IGBP1C: variants seen among roughly 807,000 people sequenced by gnomAD.
The protein encoded by IGBP1C is immunoglobulin-binding protein 1 family member C.
the IGBP1C span, chr17:58,660,763 A>G: frequency 5.1e-6 from 4 of 781,092 alleles, no homozygotes; most frequent in Non-Finnish European, 9.6e-6. Context: ...GTAACACTCC[A>G]TGTTTCTGAT....
chr17:58,686,994 C>T, the IGBP1C span, among the ~76,000 whole-genome samples: 1 of 150,518 alleles, frequency 6.6e-6, no homozygotes, highest in Admixed American at 6.7e-5. Flanking sequence ...CTGCCTCAGT[C>T]TCCCGAGTAG....
chr17:58,689,271 G>C, the IGBP1C span, among the ~76,000 whole-genome samples: 2 of 151,154 alleles, frequency 1.3e-5, no homozygotes, highest in African/African-American at 2.4e-5. Context: ...TTCCAGGCTA[G>C]AGTGCAGTGG....
the IGBP1C span, among the ~76,000 whole-genome samples, chr17:58,676,774 C>T: frequency 1.3e-5 from 2 of 151,924 alleles, no homozygotes; most frequent in African/African-American, 4.8e-5. Flanking sequence ...TCACTTGAGG[C>T]CAAGAGTTCG....
chr17:58,660,870 G>A, the IGBP1C span: 1 of 797,514 alleles, frequency 1.3e-6, no homozygotes, highest in Non-Finnish European at 2.3e-6. Flanking sequence ...AGAATGAAGG[G>A]TTTCATTGGA....
chr17:58,668,176 T>C, the IGBP1C span, among the ~76,000 whole-genome samples: 1 of 152,206 alleles, frequency 6.6e-6, no homozygotes, highest in Non-Finnish European at 1.5e-5. Context: ...TGTTTCCTCT[T>C]GGTAATTTTC....
At chr17:58,679,594 A>T in the IGBP1C span, 1 of 152,272 alleles carries the variant, frequency 6.6e-6, no homozygotes, top group Admixed American at 6.6e-5. Flanking sequence ...ATTTGTAGAA[A>T]ACCACAGGGG....
At chr17:58,688,506 C>T in the IGBP1C span, among the ~76,000 whole-genome samples, 6 of 152,106 alleles carry the variant, frequency 3.9e-5, no homozygotes, top group Non-Finnish European at 5.9e-5. Context: ...ACTGAATATG[C>T]GCATTAGAAT....
At chr17:58,685,761 G>A in the IGBP1C span, among the ~76,000 whole-genome samples, 1 of 151,740 alleles carries the variant, frequency 6.6e-6, no homozygotes, top group African/African-American at 2.4e-5. Flanking sequence ...GGAGGCTGAG[G>A]TGGGTGGATC....
the IGBP1C span, among the ~76,000 whole-genome samples, chr17:58,691,666 C>CAG: frequency 1.9e-5 from 2 of 107,104 alleles, no homozygotes; most frequent in Non-Finnish European, 3.7e-5. Context: ...GACTCTGTCT[C>CAG]AAAAAAAAAA....
chr17:58,662,119 G>A, the IGBP1C span, among the ~76,000 whole-genome samples: 1 of 151,628 alleles, frequency 6.6e-6, no homozygotes, highest in Non-Finnish European at 1.5e-5. Context: ...GGGATTACAG[G>A]CGTGAGCCAC....
chr17:58,668,754 AG>A, the IGBP1C span, among the ~76,000 whole-genome samples: 1 of 152,324 alleles, frequency 6.6e-6, no homozygotes, highest in East Asian at 1.9e-4. Context: ...TGGATCACCC[AG>A]AAAGCATGTG....
the IGBP1C span, chr17:58,661,755 G>T: frequency 1.8e-6 from 1 of 557,328 alleles, no homozygotes; most frequent in Non-Finnish European, 3.2e-6. Flanking sequence ...GAAGGCAACG[G>T]AGTCGGTTGT....
At chr17:58,673,024 G>A in the IGBP1C span, among the ~76,000 whole-genome samples, 1 of 151,730 alleles carries the variant, frequency 6.6e-6, no homozygotes, top group African/African-American at 2.4e-5. Context: ...GAGCCACCAC[G>A]CTCAGCCGGC....
At chr17:58,686,505 G>A in the IGBP1C span, among the ~76,000 whole-genome samples, 1 of 152,276 alleles carries the variant, frequency 6.6e-6, no homozygotes, top group East Asian at 1.9e-4. Context: ...GGACGGCAGA[G>A]GGTCAGGGCT....
At chr17:58,673,007 C>T in the IGBP1C span, among the ~76,000 whole-genome samples, 1 of 151,798 alleles carries the variant, frequency 6.6e-6, no homozygotes, top group Non-Finnish European at 1.5e-5. Context: ...GCTGGGATTA[C>T]AGGCATGAGC....
chr17:58,672,172 A>G, the IGBP1C span, among the ~76,000 whole-genome samples: 1 of 152,094 alleles, frequency 6.6e-6, no homozygotes, highest in East Asian at 1.9e-4. Flanking sequence ...GTGGCTGCTG[A>G]TCTAACAGGA....
At chr17:58,662,419 A>T in the IGBP1C span, among the ~76,000 whole-genome samples, 338 of 73,398 alleles carry the variant, frequency 4.6e-3, 1 homozygote, top group African/African-American at 0.013. Context: ...CATATCTCAC[A>T]CACACACACA....
chr17:58,666,685 G>A, the IGBP1C span: 4 of 152,152 alleles, frequency 2.6e-5, no homozygotes, highest in Non-Finnish European at 5.9e-5. Flanking sequence ...TATTTCTCCT[G>A]ACAGGTAATT....
chr17:58,686,927 G>A, the IGBP1C span, among the ~76,000 whole-genome samples: 2 of 121,480 alleles, frequency 1.6e-5, no homozygotes, highest in East Asian at 2.7e-4. Context: ...ACCCTAGAGC[G>A]CAGGGGAGGG....
Sources: gnomAD v4.1 joint callset for allele counts (sites outside exome capture counted in the v4.1 genomes callset) on GRCh38, gnomAD v4.1.1 for gene constraint, MANE v1.5 for transcripts, NCBI Gene and HGNC (gene_info 2026-07-23, HGNC 2026-07-21) for gene names.